The following MKI67 variants were observed in gnomAD, a reference collection of about 807,000 sequenced individuals.
MKI67 encodes marker of proliferation Ki-67.
In MKI67, 152 loss-of-function variants were observed where a neutral mutation model predicts 233.5. That is an observed-to-expected ratio of 0.65 (90% CI 0.57 to 0.74). The LOEUF (loss-of-function observed/expected upper bound fraction) is 0.74, where lower values mean the gene tolerates loss of function less well. Among genes scored for constraint, MKI67 ranks in the 30% least tolerant of loss-of-function variants. The pLI is 0.00. For missense variants in MKI67, 3,940 were observed against 3,885.2 expected (o/e 1.01, Z -0.37); for synonymous variants, 1,465 against 1,418.5 (o/e 1.03, Z -0.74).
At position 128,106,315 on chromosome 10, in the gene MKI67, G is replaced by C. The variant is rs779236296; in HGVS notation, c.5525C>G (p.Pro1842Arg). ...LTGFRELFQT[P>R]CTDNPTTDEK... ...ATCAGTCGTGGGGTTATCAGTGCAT[G>C]GTGTCTGGAAAAGCTCTCTGAAGCC... Residue 1842 changes from proline to arginine, a missense_variant, in exon 13 of 15, where the codon CCA becomes CGA. Transcript: ENST00000368654. 2.5e-6 allele frequency: 4 copies of C among 1,613,726 alleles called. No individual in the cohort carries two copies. The highest frequency in any genetic ancestry group is 3.3e-5 in the Admixed American group (2 of 59,948).
rs145246293 is a variant in MKI67 at position 128,103,284 on chromosome 10, C to T, written c.8556G>A (p.Lys2852=). Residue 2852 remains lysine (K), a synonymous_variant, in exon 13 of 15, where the codon AAG becomes AAA. Coordinates refer to ENST00000368654, the MANE Select transcript of MKI67 (RefSeq NM_002417.5). The part of the protein sequence containing the change: ...PRTRAQKVEV[K]EELLAVGKLT... ...GCTTGCCAACTGCTAACAGCTCCTCCTTCACTTCTACTTTCTGGGCACGTG... is the reference window on the plus strand; with the variant it reads ...GCTTGCCAACTGCTAACAGCTCCTCTTTCACTTCTACTTTCTGGGCACGTG... 1.7e-5 allele frequency: 27 copies of T among 1,614,012 alleles called. No individual in the cohort carries two copies. In the African/African-American group the frequency reaches 3.5e-4, roughly 21 times the overall value.
rs761994678 is a variant in MKI67 at position 128,108,612 on chromosome 10, C to A, written c.3228G>T (p.Leu1076=). The A allele has an allele frequency of 6.2e-7, 1 of 1,614,188 alleles. No homozygotes were observed. Among genetic ancestry groups the A allele is most frequent in the Non-Finnish European group, 8.5e-7 (1 of 1,180,034 alleles). ...RTFKESPKQI[L]DPAARVTGMK... ...TTCCAGTTACACGGGCTGCTGGGTC[C>A]AGGATCTGCTTTGGAGACTCCTTAA... The change falls in exon 13 of 15, where the codon CTG becomes CTT. Residue 1076 remains leucine (L), a synonymous_variant. Transcript: ENST00000368654.
chr10:128,119,368 G>C (rs532300261), intron 4 of MKI67, 49 bp from the exon 5 acceptor site: 5 of 1,355,732 alleles, frequency 3.7e-6, no homozygotes, highest in South Asian at 2.4e-5. Flanking sequence ...TTATACCCTG[G>C]GGCGGAAGTC....
At chr10:128,118,555 T>G (rs913102208) in intron 5 of MKI67, among the ~76,000 whole-genome samples, 1 of 152,048 alleles carries the variant, frequency 6.6e-6, no homozygotes, top group African/African-American at 2.4e-5. Context: ...AAATATGAAT[T>G]CTCAGGGCTC....
chr10:128,124,750 G>A (rs376984072), intron 2 of MKI67, among the ~76,000 whole-genome samples: 11 of 152,328 alleles, frequency 7.2e-5, no homozygotes, highest in African/African-American at 2.6e-4. Flanking sequence ...CCTCAGAGGT[G>A]ACATTTCACC....
chr10:128,116,810 G>C (rs1169254967), intron 5 of MKI67, among the ~76,000 whole-genome samples: 2 of 152,192 alleles, frequency 1.3e-5, no homozygotes, highest in Non-Finnish European at 2.9e-5. Flanking sequence ...AGGTGGCCGA[G>C]GCAGGAGAAT....
chr10:128,111,406 A>C (rs1162888866), intron 11 of MKI67: 9 of 446,932 alleles, frequency 2.0e-5, no homozygotes, highest in Non-Finnish European at 3.1e-5. Context: ...AAAGACATGC[A>C]TTTGACATTT....
intron 8 of MKI67, 145 bp from the exon 9 acceptor site, chr10:128,112,590 G>T: frequency 1.3e-6 from 1 of 795,886 alleles, no homozygotes; most frequent in Non-Finnish European, 2.0e-6. Flanking sequence ...GAAGACTATG[G>T]TAGAGGTGAG....
chr10:128,113,473 T>A lies in MKI67; in HGVS notation c.1610A>T (p.Lys537Met), dbSNP rs984193040. 2 of 1,614,212 alleles carry A rather than the reference T, an allele frequency of 1.2e-6. No homozygotes were observed. The highest frequency in any genetic ancestry group is 4.5e-5 in the East Asian group (2 of 44,874). Residue 537 changes from lysine to methionine, a missense_variant, in exon 8 of 15, where the codon AAG (lysine) becomes ATG (methionine). By Grantham distance (95) the Lys-to-Met change is moderately conservative. Transcript: ENST00000368654. ...LKRGEAPTKR[K>M]SLVMHTPPVL... is the part of the protein sequence containing the mutation. ...AGGTGGAGTGTGCATTACCAGAGAC[T>A]TTCTTTTGGTTGGGGCTTCTCCCCT...
rs748525726 is a variant in MKI67, at chr10:128,112,153, GCAC to G, written c.1946_1948del (p.Gly649del). 3 of 1,613,728 alleles carry G rather than the reference GCAC, an allele frequency of 1.9e-6. No individual in the cohort carries two copies. The highest frequency in any genetic ancestry group is 2.5e-6 in the Non-Finnish European group (3 of 1,179,676). On this transcript the variant is annotated inframe_deletion, in exon 9 of 15. Coordinates refer to ENST00000368654, the MANE Select transcript of MKI67 (RefSeq NM_002417.5). ...CTAACCAATCAGATTTGCTTCCGAAGCACCACTTCTTCTTTTGGAACATATCAT... is the reference window on the plus strand; with the variant it reads ...CTAACCAATCAGATTTGCTTCCGAAGCACTTCTTCTTTTGGAACATATCAT...
intron 6 of MKI67, 60 bp downstream of exon 6, chr10:128,116,431 A>C: frequency 6.8e-7 from 1 of 1,478,816 alleles, no homozygotes; most frequent in Admixed American, 1.7e-5. Context: ...TTCTTTGCCA[A>C]TATGCTTCGC....
chr10:128,104,747 T>G lies in MKI67; in HGVS notation c.7093A>C (p.Arg2365=). The G allele has an allele frequency of 6.2e-7, 1 of 1,613,942 alleles. No homozygotes were observed. Among genetic ancestry groups the G allele is most frequent in the Non-Finnish European group, 8.5e-7 (1 of 1,179,992 alleles). ...AATTCTTCCTCTACGTCTGCTTTCCTGAGGTTTCTCTTGGGCCGTTGCTTT... is the reference window on the plus strand; with the variant it reads ...AATTCTTCCTCTACGTCTGCTTTCCGGAGGTTTCTCTTGGGCCGTTGCTTT... ...STKQRPKRNL[R]KADVEEEFLA... Residue 2365 remains arginine (R), a synonymous_variant, in exon 13 of 15, where the codon AGG becomes CGG. Coordinates refer to ENST00000368654, the MANE Select transcript of MKI67 (RefSeq NM_002417.5).
chr10:128,119,371 CG>C (rs1377876556), intron 4 of MKI67, 52 bp from the exon 5 acceptor site: 11 of 1,298,294 alleles, frequency 8.5e-6, no homozygotes, highest in African/African-American at 1.5e-5. Context: ...TACCCTGGGG[CG>C]GAAGTCTCCA....
intron 8 of MKI67, among the ~76,000 whole-genome samples, chr10:128,112,841 G>A (rs1852711149): frequency 6.6e-6 from 1 of 152,106 alleles, no homozygotes; most frequent in Non-Finnish European, 1.5e-5. Context: ...TTCCACTCCT[G>A]CTGGGAAGAG....
Position 128,106,816 on chromosome 10 carries a change from G to A in MKI67, c.5024C>T (p.Ala1675Val), listed in dbSNP as rs751457684. The change falls in exon 13 of 15, where the codon GCA becomes GTA. Residue 1675 changes from alanine (A) to valine (V), a missense_variant. Transcript: ENST00000368654. Reference protein sequence around the residue: ...EPTGDGKSMKAFMESPKQILD... With the variant: ...EPTGDGKSMKVFMESPKQILD... Reference sequence around the variant, plus strand: ...GATCTGCTTTGGAGACTCCATAAATGCTTTCATGCTCTTACCATCTCCTGT... The same window carrying A: ...GATCTGCTTTGGAGACTCCATAAATACTTTCATGCTCTTACCATCTCCTGT... 1 of 1,614,118 alleles carries A rather than the reference G, an allele frequency of 6.2e-7. No homozygotes were observed. The highest frequency in any genetic ancestry group is 1.1e-5 in the South Asian group (1 of 91,078).
chr10:128,121,427 ATATAGTATATACTG>A (rs1247191721), intron 4 of MKI67, among the ~76,000 whole-genome samples: 4 of 140,952 alleles, frequency 2.8e-5, no homozygotes, highest in Non-Finnish European at 6.1e-5. Context: ...TATATATACC[ATATAGTATATACTG>A]TATACAGTAT....
In MKI67 at chr10:128,110,470, A is replaced by T; in HGVS notation, c.2324T>A (p.Ile775Asn). ...EQPQLTSTCH[I>N]AISNSENLLG... The stretch of plus-strand genomic sequence containing the variant: ...CAAATTCTCTGAATTTGAAATAGCG[A>T]TGTGACATGTGCTTGTCAACTGCGG... Residue 775 changes from isoleucine (I) to asparagine (N), a missense_variant, in exon 12 of 15, where the codon ATC becomes AAC. Transcript: ENST00000368654. 2 of 1,588,130 alleles carry T rather than the reference A, an allele frequency of 1.3e-6. No homozygotes were observed. Among genetic ancestry groups the T allele is most frequent in the South Asian group, 1.1e-5 (1 of 88,982 alleles).
At chr10:128,113,406 G>A in intron 8 of MKI67, 21 bp downstream of exon 8, 2 of 1,613,298 alleles carry the variant, frequency 1.2e-6, no homozygotes, top group Non-Finnish European at 1.7e-6. Context: ...GCGTGAATGG[G>A]ATGCTGCTTG....
Position 128,125,663 on chromosome 10 carries a change from C to T in MKI67, c.5G>A (p.Trp2Ter). 1 of 1,613,832 alleles carries T rather than the reference C, an allele frequency of 6.2e-7. No individual in the cohort carries two copies. Residue 2 changes from tryptophan (W) to a stop codon, truncating the protein, a stop_gained, in exon 2 of 15, where the codon TGG becomes TAG. Coordinates refer to ENST00000368654, the MANE Select transcript of MKI67 (RefSeq NM_002417.5). LOFTEE classifies it high-confidence loss of function. The surrounding 1 kb of genome is among the most constrained non-coding windows in gnomAD (Gnocchi z 5.3). M[W>*]PTRRLVTIKR... ...GATAGTAACCAGGCGTCTCGTGGGC[C>T]ACATTTTCTAAACAGTAAGTTGAGT...
Sources: gnomAD v4.1 joint callset for allele counts (sites outside exome capture counted in the v4.1 genomes callset) on GRCh38, gnomAD v4.1.1 for gene constraint, Gnocchi (gnomAD v3.1) non-coding constraint, MANE v1.5 for transcripts, NCBI Gene and HGNC (gene_info 2026-07-23, HGNC 2026-07-21) for gene names.